Variants in NPNT observed in about 807,000 individuals in gnomAD.
NPNT encodes nephronectin, also known as preosteoblast EGF-like repeat protein with MAM domain.
A neutral mutation model predicts 68.6 loss-of-function variants in NPNT; 45 were observed. That is an observed-to-expected ratio of 0.66 (90% CI 0.52 to 0.84). NPNT has a LOEUF of 0.84. Ranked by LOEUF, NPNT falls within the 40% of genes least tolerant of loss-of-function variation. The probability of loss-of-function intolerance (pLI) is 0.00; values close to 1 mark genes in which losing one functional copy is unlikely to be tolerated. For synonymous variants in NPNT, 233 were observed against 253.3 expected (o/e 0.92, Z 0.76); for missense variants, 672 against 714.8 (o/e 0.94, Z 0.68).
intron 2 of NPNT, among the ~76,000 whole-genome samples, chr4:105,920,217 GTC>G (rs1382355557): frequency 6.6e-6 from 1 of 151,584 alleles, no homozygotes; most frequent in African/African-American, 2.4e-5. Context: ...CTTTTCACAT[GTC>G]TCTACCATTC....
chr4:105,916,018 A>C (rs1727788099), intron 2 of NPNT, among the ~76,000 whole-genome samples: 1 of 152,196 alleles, frequency 6.6e-6, no homozygotes, highest in African/African-American at 2.4e-5. Context: ...AAATCTTTCC[A>C]GTTTACCGTT....
chr4:105,905,316 C>A (rs1726799948), intron 2 of NPNT, among the ~76,000 whole-genome samples: 1 of 152,032 alleles, frequency 6.6e-6, no homozygotes, highest in Non-Finnish European at 1.5e-5. Context: ...GTAAGAAATG[C>A]ATGATTAGGT....
chr4:105,931,847 A>G (rs1196975971), intron 3 of NPNT, among the ~76,000 whole-genome samples: 1 of 152,066 alleles, frequency 6.6e-6, no homozygotes, highest in Non-Finnish European at 1.5e-5. Flanking sequence ...CTAAAAAAAA[A>G]GGAAGTTGTA....
chr4:105,945,713 G>A (rs538847863), intron 8 of NPNT, among the ~76,000 whole-genome samples: 10 of 152,164 alleles, frequency 6.6e-5, no homozygotes, highest in African/African-American at 2.4e-4. Flanking sequence ...AATAACTTAT[G>A]GAATATAGCA....
At position 105,959,061 on chromosome 4, in the gene NPNT, G is replaced by A. The variant is rs1731472908; in HGVS notation, c.1280G>A (p.Gly427Glu). ...VLVHSCNFDH[G>E]LCGWIREKDN... The stretch of plus-strand genomic sequence containing the variant: ...GTACACAGTTGTAATTTTGACCATG[G>A]ACTTTGTGGATGGATCAGGGAGAAA... Residue 427 changes from glycine to glutamate, a missense_variant, in exon 10 of 12, where the codon GGA becomes GAA. Transcript: ENST00000379987. 1 of 1,613,204 alleles carries A rather than the reference G, an allele frequency of 6.2e-7. No homozygotes were observed. Among genetic ancestry groups the A allele is most frequent in the Non-Finnish European group, 8.5e-7 (1 of 1,179,236 alleles).
chr4:105,966,272 C>T (rs185691961), intron 10 of NPNT, among the ~76,000 whole-genome samples: 4 of 152,164 alleles, frequency 2.6e-5, no homozygotes, highest in Non-Finnish European at 4.4e-5. Context: ...TTTCAAAATA[C>T]TACTTGCAAC....
chr4:105,958,781 C>A, intron 9 of NPNT: 1 of 530,126 alleles, frequency 1.9e-6, no homozygotes, highest in Non-Finnish European at 3.4e-6. Flanking sequence ...AAAAGGAAAT[C>A]ATATTTTATA....
chr4:105,924,712 T>C (rs1055227421), intron 2 of NPNT, among the ~76,000 whole-genome samples: 1 of 152,180 alleles, frequency 6.6e-6, no homozygotes, highest in African/African-American at 2.4e-5. Flanking sequence ...GAAAGTACTA[T>C]AAATTGATGG....
At chr4:105,922,252 A>G (rs1728311983) in intron 2 of NPNT, among the ~76,000 whole-genome samples, 1 of 151,986 alleles carries the variant, frequency 6.6e-6, no homozygotes, top group South Asian at 2.1e-4. Context: ...CAGCATGATT[A>G]CCTTACATAA....
chr4:105,903,639 C>T (rs1403727212), intron 2 of NPNT, among the ~76,000 whole-genome samples: 1 of 151,988 alleles, frequency 6.6e-6, no homozygotes. Context: ...AATATTTTAC[C>T]TACTTATGGG....
rs1560881961 is a variant in NPNT at position 105,898,361 on chromosome 4, TCTCTCTCTCTCTCTCTCTC to T, written c.172+361_172+379del. ...CTCTCTCTCTCTCTCTCTCTCTCTC[TCTCTCTCTCTCTCTCTCTC>T]GCTGACTCGCTTGCTCCAGGCTGGG... is the stretch of plus-strand genomic sequence containing the variant. On this transcript the variant is annotated intron_variant, in intron 2 of 11. Coordinates refer to ENST00000379987, the MANE Select transcript of NPNT (RefSeq NM_001033047.3). Among the ~76,000 whole-genome samples the T allele has an allele frequency of 3.7e-3, 519 of 139,302 alleles. 9 individuals are homozygous for T. The highest frequency in any genetic ancestry group is 0.014 in the African/African-American group (472 of 32,600). The allele number at this position is 139,302 out of a possible 152,430, so 91.4% of individuals were successfully genotyped here.
chr4:105,927,519 G>A, intron 3 of NPNT, 91 bp downstream of exon 3: 1 of 635,296 alleles, frequency 1.6e-6, no homozygotes, highest in South Asian at 2.8e-5. Context: ...ACTTTCCATG[G>A]CTATTTTTCC....
rs756155611 is a variant in NPNT, at chr4:105,938,329, T to C, written c.414T>C (p.Cys138=). 6.2e-7 allele frequency: 1 copy of C among 1,613,696 alleles called. No individual in the cohort carries two copies. The highest frequency in any genetic ancestry group is 2.2e-5 in the East Asian group (1 of 44,874). ...SSALTCSMAN[C]QYGCDVVKGQ... Reference sequence around the variant, plus strand: ...CCCTGACCTGCTCCATGGCAAACTGTCAGTATGGCTGTGATGTTGTTAAAG... The same window carrying C: ...CCCTGACCTGCTCCATGGCAAACTGCCAGTATGGCTGTGATGTTGTTAAAG... Residue 138 remains cysteine (C), a synonymous_variant, in exon 5 of 12, where the codon TGT becomes TGC. Coordinates refer to ENST00000379987, the MANE Select transcript of NPNT (RefSeq NM_001033047.3).
rs542719280 is a variant in NPNT at position 105,971,248 on chromosome 4, G to A, written c.*2258G>A. ...GGCAGACCTTTCCTTCACCTCATCA[G>A]TATGATTCAGTTTCTCTTATCAATT... On this transcript the variant is annotated 3_prime_UTR_variant, in exon 12 of 12. Coordinates refer to ENST00000379987, the MANE Select transcript of NPNT (RefSeq NM_001033047.3). The A allele has an allele frequency of 5.9e-5, 25 of 424,020 alleles. No homozygotes were observed. Among genetic ancestry groups the A allele is most frequent in the South Asian group, 4.0e-4 (24 of 60,552 alleles). The allele number at this position is 424,020 out of a possible 1,614,324, so 26.3% of individuals were successfully genotyped here. A position where few individuals can be genotyped will look rare whatever the true frequency, so the allele number is the denominator to read the frequency against.
intron 8 of NPNT, among the ~76,000 whole-genome samples, chr4:105,952,858 G>T (rs1441466591): frequency 2.6e-5 from 4 of 152,180 alleles, no homozygotes; most frequent in Admixed American, 2.6e-4. Context: ...TTGCATTCTG[G>T]TGCGAAGGAC....
In NPNT at chr4:105,898,723, A is replaced by G. The variant is rs114363208; in HGVS notation, c.172+722A>G. Among the ~76,000 whole-genome samples, 1,514 of 152,306 alleles carry G rather than the reference A, an allele frequency of 9.9e-3. 25 individuals carry two copies. Among genetic ancestry groups the G allele is most frequent in the African/African-American group, 0.033 (1,382 of 41,560 alleles). ...TCACCTTTTCTGTGACCACAAATGG[A>G]TATTTTAATGGTAAAATTTAGAGCT... On this transcript the variant is annotated intron_variant, in intron 2 of 11. Coordinates refer to ENST00000379987, the MANE Select transcript of NPNT (RefSeq NM_001033047.3).
At chr4:105,954,522 TC>T (rs1403831771) in intron 8 of NPNT, among the ~76,000 whole-genome samples, 1 of 152,180 alleles carries the variant, frequency 6.6e-6, no homozygotes, top group East Asian at 1.9e-4. Context: ...TTGGCAATCC[TC>T]TGTTAATCCT....
intron 2 of NPNT, among the ~76,000 whole-genome samples, chr4:105,914,713 T>A (rs1037445083): frequency 2.0e-5 from 3 of 151,830 alleles, no homozygotes; most frequent in Admixed American, 1.3e-4. Context: ...GGAGTGGTGA[T>A]GGCCCAGCTG....
At chr4:105,923,104 T>A (rs910927227) in intron 2 of NPNT, among the ~76,000 whole-genome samples, 2 of 152,208 alleles carry the variant, frequency 1.3e-5, no homozygotes. Flanking sequence ...TATACTTTTT[T>A]ATTTTTTTGA....
Sources: allele counts gnomAD v4.1 joint callset (sites outside exome capture counted in the v4.1 genomes callset), GRCh38; gene constraint gnomAD v4.1.1; transcripts MANE v1.5; gene names NCBI Gene and HGNC (gene_info 2026-07-23, HGNC 2026-07-21).